The following ADK variants were observed in gnomAD, a reference collection of about 807,000 sequenced individuals.
ADK encodes the protein N6,N6-dimethyladenosine kinase.
In ADK, 24 loss-of-function variants were observed where a neutral mutation model predicts 44.7. The ratio of observed to expected loss-of-function variants is 0.54; its 90% confidence interval spans 0.39 to 0.76. ADK has a LOEUF of 0.76. Among genes scored for constraint, ADK ranks in the 30% least tolerant of loss-of-function variants. The pLI is 0.00. For synonymous variants in ADK, 128 were observed against 142.6 expected (o/e 0.90, Z 0.73); for missense variants, 321 against 425.1 (o/e 0.76, Z 2.15).
At chr10:74,480,905 G>A (rs549737665) in intron 6 of ADK, among the ~76,000 whole-genome samples, 38 of 152,112 alleles carry the variant, frequency 2.5e-4, no homozygotes, top group African/African-American at 7.5e-4. Flanking sequence ...ATTCCATTGC[G>A]TTATTTTTTC....
intron 10 of ADK, among the ~76,000 whole-genome samples, chr10:74,702,524 TTTCCTTCCTTCCTTCC>T (rs59918097): frequency 6.9e-4 from 83 of 120,886 alleles, no homozygotes; most frequent in Non-Finnish European, 1.3e-3. Flanking sequence ...TCCTTCCTTC[TTTCCTTCCTTCCTTCC>T]TTCCTTCCTT....
At chr10:74,569,781 G>C (rs537748935) in intron 7 of ADK, among the ~76,000 whole-genome samples, 1 of 152,332 alleles carries the variant, frequency 6.6e-6, no homozygotes, top group East Asian at 1.9e-4. Flanking sequence ...AGCTTAATCA[G>C]ATCCCATTTG....
At chr10:74,474,488 C>G (rs916279743) in intron 6 of ADK, among the ~76,000 whole-genome samples, 2 of 149,272 alleles carry the variant, frequency 1.3e-5, no homozygotes, top group African/African-American at 2.5e-5. Context: ...TTTTTCTCTC[C>G]CCCTTTCCTC....
chr10:74,290,066 AACT>A (rs1847346288), intron 3 of ADK, among the ~76,000 whole-genome samples: 1 of 131,876 alleles, frequency 7.6e-6, no homozygotes, highest in East Asian at 2.0e-4. Context: ...CAAGTCACTA[AACT>A]ACTCACGCGC....
At chr10:74,177,908 T>C (rs1311314297) in intron 1 of ADK, among the ~76,000 whole-genome samples, 1 of 146,854 alleles carries the variant, frequency 6.8e-6, no homozygotes, top group Non-Finnish European at 1.5e-5. Context: ...ATAGTCTGTC[T>C]CTTAAATTGC....
intron 6 of ADK, among the ~76,000 whole-genome samples, chr10:74,421,785 A>G (rs890762760): frequency 2.0e-5 from 3 of 152,224 alleles, no homozygotes; most frequent in Non-Finnish European, 2.9e-5. Context: ...AAAGGGACAC[A>G]TGAGCCAATG....
intron 6 of ADK, among the ~76,000 whole-genome samples, chr10:74,454,785 G>C: frequency 6.6e-6 from 1 of 152,310 alleles, no homozygotes; most frequent in Non-Finnish European, 1.5e-5. Context: ...TGAAATGATA[G>C]GGTATGAAGT....
At chr10:74,474,242 T>A (rs1026442140) in intron 6 of ADK, among the ~76,000 whole-genome samples, 1 of 152,084 alleles carries the variant, frequency 6.6e-6, no homozygotes, top group African/African-American at 2.4e-5. Context: ...TAGCTAGGAC[T>A]ATAGGCATGT....
At chr10:74,465,864 G>GT (rs1454721126) in intron 6 of ADK, among the ~76,000 whole-genome samples, 2 of 152,116 alleles carry the variant, frequency 1.3e-5, no homozygotes, top group South Asian at 4.2e-4. Context: ...TAAGTGATAG[G>GT]TTTTACTAAT....
intron 1 of ADK, among the ~76,000 whole-genome samples, chr10:74,185,133 T>C (rs1842699906): frequency 6.6e-6 from 1 of 152,170 alleles, no homozygotes; most frequent in Non-Finnish European, 1.5e-5. Context: ...AGTTGAAAAT[T>C]GTTATATAAG....
At chr10:74,544,836 T>G (rs540376885) in intron 7 of ADK, among the ~76,000 whole-genome samples, 112 of 151,552 alleles carry the variant, frequency 7.4e-4, no homozygotes, top group African/African-American at 2.7e-3. Flanking sequence ...CACTCCAGCC[T>G]GGGGACAGAG....
intron 6 of ADK, among the ~76,000 whole-genome samples, chr10:74,454,829 C>G (rs1270790713): frequency 6.6e-6 from 1 of 152,088 alleles, no homozygotes; most frequent in Admixed American, 6.5e-5. Flanking sequence ...TTGGCAAGGC[C>G]TTTTTGTTTG....
chr10:74,594,808 A>G (rs1266979069), intron 8 of ADK, among the ~76,000 whole-genome samples: 2 of 152,204 alleles, frequency 1.3e-5, no homozygotes, highest in Non-Finnish European at 2.9e-5. Flanking sequence ...TATCAGTAAT[A>G]CATTCATACT....
chr10:74,345,606 C>A lies in ADK; in HGVS notation c.273+30861C>A, dbSNP rs188649458. Among the ~76,000 whole-genome samples, 741 of 152,244 alleles carry A rather than the reference C, an allele frequency of 4.9e-3. 4 individuals carry two copies. The highest frequency in any genetic ancestry group is 0.017 in the African/African-American group (697 of 41,530). The stretch of plus-strand genomic sequence containing the variant: ...TACAGATGTGAGCCACCACATCCAG[C>A]CTGCATGATATATTTTTCCACCCGT... On this transcript the variant is annotated intron_variant, in intron 4 of 10. Coordinates refer to ENST00000539909, the MANE Select transcript of ADK (RefSeq NM_006721.4).
intron 4 of ADK, among the ~76,000 whole-genome samples, chr10:74,392,580 G>A (rs183719930): frequency 5.3e-4 from 81 of 152,074 alleles, no homozygotes; most frequent in Non-Finnish European, 1.0e-3. Context: ...ATATGGTTTG[G>A]AAATAAGTTG....
chr10:74,217,410 C>G (rs963588451), intron 2 of ADK, among the ~76,000 whole-genome samples: 3 of 152,378 alleles, frequency 2.0e-5, no homozygotes, highest in Admixed American at 6.5e-5. Flanking sequence ...AGGAGGCCTT[C>G]CTGCCTCTGT....
Position 74,708,839 on chromosome 10 carries a change from G to T in ADK, c.*394G>T. ...TTTTTAATGAATTAATCTTAACATA[G>T]TAATCTTTAGCTTTTTATACAAATA... On this transcript the variant is annotated 3_prime_UTR_variant, in exon 11 of 11. Coordinates refer to ENST00000539909, the MANE Select transcript of ADK (RefSeq NM_006721.4). 4.7e-6 allele frequency: 1 copy of T among 212,278 alleles called. No individual in the cohort carries two copies. The highest frequency in any genetic ancestry group is 1.3e-4 in the East Asian group (1 of 7,772). 13.1% of individuals were successfully genotyped at this position (212,278 alleles called of 1,614,324 possible).
intron 4 of ADK, among the ~76,000 whole-genome samples, chr10:74,386,996 G>A (rs184953643): frequency 9.2e-4 from 139 of 151,638 alleles, no homozygotes; most frequent in Middle Eastern, 3.4e-3. Flanking sequence ...TAGCGCAGTG[G>A]CGGGATCTTG....
intron 9 of ADK, among the ~76,000 whole-genome samples, chr10:74,643,283 C>G (rs979652166): frequency 2.0e-5 from 3 of 152,168 alleles, no homozygotes; most frequent in African/African-American, 4.8e-5. Flanking sequence ...TTGTTAGAAA[C>G]TTTTTCCTTC....
Sources: allele counts gnomAD v4.1 joint callset (sites outside exome capture counted in the v4.1 genomes callset), GRCh38; gene constraint gnomAD v4.1.1; transcripts MANE v1.5; gene names NCBI Gene and HGNC (gene_info 2026-07-23, HGNC 2026-07-21).